Variants in PCDH15 observed in about 807,000 individuals in gnomAD.
PCDH15 encodes the protein protocadherin related 15.
A neutral mutation model predicts 178.5 loss-of-function variants in PCDH15; 129 were observed. That is an observed-to-expected ratio of 0.72 (90% CI 0.63 to 0.84). The LOEUF (loss-of-function observed/expected upper bound fraction) is 0.84. Ranked by LOEUF, PCDH15 falls within the 40% of genes least tolerant of loss-of-function variation. The pLI is 0.00. For missense variants in PCDH15, 2,230 were observed against 2,099.9 expected (o/e 1.06, Z -1.21); for synonymous variants, 800 against 732.0 (o/e 1.09, Z -1.50).
intron 3 of PCDH15, among the ~76,000 whole-genome samples, chr10:54,387,188 A>T (rs1225673221): frequency 1.3e-5 from 2 of 152,194 alleles, no homozygotes; most frequent in Non-Finnish European, 2.9e-5. Flanking sequence ...AAAATTAAAA[A>T]CAGTATTACC....
At chr10:54,713,450 T>C (rs1214119768) in intron 1 of PCDH15, among the ~76,000 whole-genome samples, 1 of 152,086 alleles carries the variant, frequency 6.6e-6, no homozygotes, top group African/African-American at 2.4e-5. Flanking sequence ...CACCGTAGTG[T>C]TGTTCAAATT....
intron 2 of PCDH15, among the ~76,000 whole-genome samples, chr10:55,001,464 G>A (rs563476264): frequency 4.7e-4 from 72 of 152,276 alleles, no homozygotes; most frequent in Admixed American, 7.2e-4. Flanking sequence ...TCCCCAAGGC[G>A]GGGCTGTGAC....
intron 21 of PCDH15, among the ~76,000 whole-genome samples, chr10:53,981,466 C>G (rs984919935): frequency 6.6e-6 from 1 of 152,132 alleles, no homozygotes; most frequent in Non-Finnish European, 1.5e-5. Flanking sequence ...GGTACCAAAA[C>G]AGAGATATAG....
intron 2 of PCDH15, among the ~76,000 whole-genome samples, chr10:54,643,739 A>G (rs938716923): frequency 7.9e-5 from 12 of 151,606 alleles, no homozygotes; most frequent in South Asian, 4.2e-4. Flanking sequence ...AAATCACATA[A>G]ACATATAATA....
intron 8 of PCDH15, among the ~76,000 whole-genome samples, chr10:54,293,429 A>C (rs2059551732): frequency 6.6e-6 from 1 of 152,210 alleles, no homozygotes; most frequent in Non-Finnish European, 1.5e-5. Flanking sequence ...TGACTAAGAC[A>C]CCAAAAGCAA....
intron 20 of PCDH15, among the ~76,000 whole-genome samples, chr10:54,018,564 G>A (rs897249211): frequency 1.3e-5 from 2 of 152,068 alleles, no homozygotes; most frequent in African/African-American, 4.8e-5. Context: ...GAACATAGAT[G>A]CCTAGAGTTA....
intron 2 of PCDH15, among the ~76,000 whole-genome samples, chr10:55,571,541 A>G (rs1346117115): frequency 6.6e-6 from 1 of 152,130 alleles, no homozygotes; most frequent in Non-Finnish European, 1.5e-5. Flanking sequence ...GAACTCCTTC[A>G]TTACACATCA....
At chr10:54,329,267 A>T (rs1172521916) in intron 7 of PCDH15, among the ~76,000 whole-genome samples, 1 of 151,906 alleles carries the variant, frequency 6.6e-6, no homozygotes, top group African/African-American at 2.4e-5. Flanking sequence ...AGGGTCCAGA[A>T]ATATGTATAT....
intron 29 of PCDH15, among the ~76,000 whole-genome samples, chr10:53,833,554 C>T (rs2077134582): frequency 6.6e-6 from 1 of 152,042 alleles, no homozygotes; most frequent in Non-Finnish European, 1.5e-5. Context: ...ATATGCAGGG[C>T]TTACCTAATT....
At chr10:54,750,372 C>A (rs551378696) in intron 1 of PCDH15, among the ~76,000 whole-genome samples, 177 of 151,990 alleles carry the variant, frequency 1.2e-3, no homozygotes, top group Non-Finnish European at 9.9e-4. Context: ...TATAGTCATT[C>A]CTCTTTAAAA....
At chr10:54,303,437 T>C (rs531237144) in intron 8 of PCDH15, among the ~76,000 whole-genome samples, 16 of 152,024 alleles carry the variant, frequency 1.1e-4, no homozygotes, top group African/African-American at 3.6e-4. Flanking sequence ...TATATATGCA[T>C]ATATATGCAC....
At chr10:53,907,835 A>G (rs1264359731) in intron 25 of PCDH15, among the ~76,000 whole-genome samples, 2 of 152,222 alleles carry the variant, frequency 1.3e-5, no homozygotes, top group African/African-American at 4.8e-5. Flanking sequence ...TAAACATGGT[A>G]GAAGGAGTTC....
At chr10:54,787,790 C>T (rs1951029718) in intron 1 of PCDH15, among the ~76,000 whole-genome samples, 1 of 151,944 alleles carries the variant, frequency 6.6e-6, no homozygotes, top group Non-Finnish European at 1.5e-5. Context: ...ATCCCAAATT[C>T]ATGTTTGAGC....
At chr10:55,471,168 T>C (rs1307646020) in intron 2 of PCDH15, among the ~76,000 whole-genome samples, 1 of 152,204 alleles carries the variant, frequency 6.6e-6, no homozygotes, top group Non-Finnish European at 1.5e-5. Flanking sequence ...CTCAACAATA[T>C]GTTTTAATAG....
intron 26 of PCDH15, among the ~76,000 whole-genome samples, chr10:53,890,307 G>T (rs566026834): frequency 6.6e-6 from 1 of 152,206 alleles, no homozygotes; most frequent in Non-Finnish European, 1.5e-5. Flanking sequence ...CATGCCTGTA[G>T]TCCCAGCTAC....
chr10:55,105,844 G>T (rs965210073), intron 2 of PCDH15, among the ~76,000 whole-genome samples: 1 of 151,916 alleles, frequency 6.6e-6, no homozygotes, highest in Admixed American at 6.6e-5. Context: ...CCATAAAAAA[G>T]TGATTTTTTC....
At chr10:55,197,066 G>A (rs571539481) in intron 1 of PCDH15, among the ~76,000 whole-genome samples, 1 of 151,832 alleles carries the variant, frequency 6.6e-6, no homozygotes, top group East Asian at 1.9e-4. Flanking sequence ...TTTACTAGGT[G>A]AGCCACCTAG....
chr10:54,312,006 C>G (rs1370538125), intron 8 of PCDH15, among the ~76,000 whole-genome samples: 2 of 151,998 alleles, frequency 1.3e-5, no homozygotes, highest in Non-Finnish European at 2.9e-5. Flanking sequence ...AGGAAAATTT[C>G]ACATCAACAT....
At chr10:53,877,274 A>G (rs2080316495) in intron 26 of PCDH15, among the ~76,000 whole-genome samples, 2 of 152,190 alleles carry the variant, frequency 1.3e-5, no homozygotes, top group Admixed American at 6.5e-5. Context: ...ATGCTTTAAA[A>G]TAAACTCTGA....
Sources: gnomAD v4.1 joint callset for allele counts (sites outside exome capture counted in the v4.1 genomes callset) on GRCh38, gnomAD v4.1.1 for gene constraint, MANE v1.5 for transcripts, NCBI Gene and HGNC (gene_info 2026-07-23, HGNC 2026-07-21) for gene names.